DLG1: variants seen among roughly 807,000 people sequenced by gnomAD.
DLG1 encodes disks large homolog 1.
Under a neutral mutation model 123.4 loss-of-function variants are expected in DLG1, and 42 were observed. The observed-to-expected ratio is 0.34, with a 90% CI of 0.27 to 0.44. The LOEUF is 0.44. DLG1 is among the 20% of genes least tolerant of loss of function. The pLI, the probability that DLG1 is intolerant of heterozygous loss-of-function variation, is 1.00. For missense variants in DLG1, 942 were observed against 1,082.6 expected (o/e 0.87, Z 1.82); for synonymous variants, 317 against 356.2 (o/e 0.89, Z 1.24).
chr3:197,234,375 A>C (rs929461607), intron 4 of DLG1, among the ~76,000 whole-genome samples: 2 of 152,248 alleles, frequency 1.3e-5, no homozygotes, highest in African/African-American at 2.4e-5. Flanking sequence ...TGGATAAAAC[A>C]AGGACAAAAC....
At chr3:197,085,557 C>T (rs770972318) in intron 16 of DLG1, 23 bp downstream of exon 16, 1 of 1,612,082 alleles carries the variant, frequency 6.2e-7, no homozygotes, top group Non-Finnish European at 8.5e-7. Context: ...GCCTCACATT[C>T]AAGTGGTAAG....
intron 4 of DLG1, among the ~76,000 whole-genome samples, chr3:197,239,494 C>A (rs2150720542): frequency 6.6e-6 from 1 of 152,176 alleles, no homozygotes; most frequent in Middle Eastern, 3.4e-3. Flanking sequence ...CCAGCGCTAC[C>A]AAATACCAAG....
chr3:197,094,069 G>A (rs931802881), intron 14 of DLG1, among the ~76,000 whole-genome samples: 2 of 152,114 alleles, frequency 1.3e-5, no homozygotes, highest in African/African-American at 4.8e-5. Flanking sequence ...ATACTGCAGA[G>A]GTCACATGAT....
chr3:197,097,823 G>A (rs1025353067), intron 14 of DLG1, among the ~76,000 whole-genome samples: 3 of 149,224 alleles, frequency 2.0e-5, no homozygotes, highest in Non-Finnish European at 4.5e-5. Flanking sequence ...CTTGTGAGTC[G>A]CCCACCTCAG....
At chr3:197,175,156 T>A (rs918387878) in intron 5 of DLG1, among the ~76,000 whole-genome samples, 2 of 152,222 alleles carry the variant, frequency 1.3e-5, no homozygotes, top group Non-Finnish European at 2.9e-5. Flanking sequence ...TGTATTTGCA[T>A]ACGCCTGTTA....
At position 197,253,622 on chromosome 3, in the gene DLG1, T is replaced by C. The variant is rs547793334; in HGVS notation, c.318+29057A>G. On this transcript the variant is annotated intron_variant, in intron 4 of 24. Transcript: ENST00000667157. ...GTTTATATATTTATTATTCCATTCA[T>C]ATAGAATTGCTGAAATGACAAAATA... Among the ~76,000 whole-genome samples the C allele has an allele frequency of 1.4e-4, 22 of 152,332 alleles. No individual in the cohort carries two copies. The East Asian group carries it at 3.7e-3, about 25-fold the overall frequency.
At chr3:197,270,038 G>A (rs1763274083) in intron 4 of DLG1, among the ~76,000 whole-genome samples, 1 of 152,134 alleles carries the variant, frequency 6.6e-6, no homozygotes, top group East Asian at 1.9e-4. Context: ...AAAGTTGGAA[G>A]AATGTGTCAC....
intron 23 of DLG1, among the ~76,000 whole-genome samples, chr3:197,055,043 G>A (rs750592805): frequency 9.9e-5 from 15 of 152,214 alleles, no homozygotes; most frequent in South Asian, 6.2e-4. Context: ...TCGAACTACC[G>A]AACTCAGGTG....
intron 5 of DLG1, chr3:197,184,190 TA>T: frequency 2.3e-6 from 2 of 882,348 alleles, no homozygotes; most frequent in South Asian, 8.2e-5. Context: ...AAGGATGCTA[TA>T]AACACTGGAC....
Position 197,081,063 on chromosome 3 carries a change from C to T in DLG1, c.1893G>A (p.Thr631=), listed in dbSNP as rs1199524896. The change falls in exon 17 of 25, where the codon ACG becomes ACA. Residue 631 remains threonine, a synonymous_variant. Coordinates refer to ENST00000667157, the MANE Select transcript of DLG1 (RefSeq NM_001366207.1). ...TTCAAATACTCACCCCTTTATCTCT[C>T]GTTTTAGAATTGAATTTCACTGTTT... The part of the protein sequence containing the change: ...RLKTVKFNSK[T]RDKGQSFNDK... 33 of 1,613,056 alleles carry T rather than the reference C, an allele frequency of 2.0e-5. No homozygotes were observed. The highest frequency in any genetic ancestry group is 8.0e-5 in the African/African-American group (6 of 74,894).
intron 14 of DLG1, among the ~76,000 whole-genome samples, chr3:197,095,556 T>C (rs904231869): frequency 1.3e-5 from 2 of 152,202 alleles, no homozygotes; most frequent in African/African-American, 2.4e-5. Context: ...ATATCACAAA[T>C]GTTATGTTCT....
At chr3:197,180,465 T>C (rs954979777) in intron 5 of DLG1, among the ~76,000 whole-genome samples, 23 of 152,198 alleles carry the variant, frequency 1.5e-4, no homozygotes, top group Non-Finnish European at 2.2e-4. Context: ...ACTTTTTCTA[T>C]ACTAATCGTT....
chr3:197,281,509 T>C (rs924819766), intron 4 of DLG1, among the ~76,000 whole-genome samples: 5 of 152,048 alleles, frequency 3.3e-5, no homozygotes, highest in Non-Finnish European at 7.4e-5. Context: ...ATTTTAAAAA[T>C]CCATTTGAAA....
At chr3:197,049,907 A>C (rs1358564169) in intron 24 of DLG1, among the ~76,000 whole-genome samples, 1 of 152,038 alleles carries the variant, frequency 6.6e-6, no homozygotes, top group Non-Finnish European at 1.5e-5. Flanking sequence ...TACAAAAATA[A>C]AAAATTAGCC....
In DLG1 at chr3:197,058,956, C is replaced by T. The variant is rs777711456; in HGVS notation, c.2483+933G>A. Among the ~76,000 whole-genome samples the T allele has an allele frequency of 1.6e-4, 25 of 152,238 alleles. No homozygotes were observed. In the East Asian group the frequency reaches 1.7e-3, roughly 11 times the overall value. ...CTTTTTAGTTTTTTGAGATGGATCT[C>T]GCTCTGCCGCCCAGGCTGGAGTGCA... On this transcript the variant is annotated intron_variant, in intron 23 of 24. Coordinates refer to ENST00000667157, the MANE Select transcript of DLG1 (RefSeq NM_001366207.1).
At chr3:197,292,957 T>C (rs186164777) in intron 3 of DLG1, among the ~76,000 whole-genome samples, 1 of 152,196 alleles carries the variant, frequency 6.6e-6, no homozygotes, top group Non-Finnish European at 1.5e-5. Context: ...GAAGTCTCTA[T>C]GGACTAGCAG....
intron 4 of DLG1, among the ~76,000 whole-genome samples, chr3:197,217,949 T>C (rs1269520741): frequency 6.6e-6 from 1 of 152,270 alleles, no homozygotes; most frequent in African/African-American, 2.4e-5. Context: ...ATGTGAATTA[T>C]ATCCCAGTAA....
At chr3:197,256,388 A>G (rs1284828573) in intron 4 of DLG1, among the ~76,000 whole-genome samples, 1 of 152,398 alleles carries the variant, frequency 6.6e-6, no homozygotes, top group East Asian at 1.9e-4. Flanking sequence ...AGGAAGAACT[A>G]TAATAGCCTT....
intron 5 of DLG1, among the ~76,000 whole-genome samples, chr3:197,166,814 C>A (rs1199079257): frequency 6.6e-6 from 1 of 151,950 alleles, no homozygotes; most frequent in Non-Finnish European, 1.5e-5. Flanking sequence ...TCGCTTTGAA[C>A]CCAGGAGGCA....
Sources: gnomAD v4.1 joint callset for allele counts (sites outside exome capture counted in the v4.1 genomes callset) on GRCh38, gnomAD v4.1.1 for gene constraint, MANE v1.5 for transcripts, NCBI Gene and HGNC (gene_info 2026-07-23, HGNC 2026-07-21) for gene names.